The following ATP11B variants were observed in gnomAD, a reference collection of about 807,000 sequenced individuals.
The protein encoded by ATP11B is phospholipid-transporting ATPase IF.
A neutral mutation model predicts 157.8 loss-of-function variants in ATP11B; 81 were observed. The observed-to-expected ratio is 0.51, with a 90% CI of 0.43 to 0.62. The LOEUF (loss-of-function observed/expected upper bound fraction) is 0.62. Ranked by LOEUF, ATP11B falls within the 20% of genes least tolerant of loss-of-function variation. The probability of loss-of-function intolerance (pLI) is 0.00; values close to 1 mark genes in which losing one functional copy is unlikely to be tolerated. For missense variants in ATP11B, 1,165 were observed against 1,402.2 expected (o/e 0.83, Z 2.70); for synonymous variants, 451 against 469.4 (o/e 0.96, Z 0.51).
At chr3:182,865,935 T>G (rs905728292) in intron 13 of ATP11B, among the ~76,000 whole-genome samples, 2 of 82,604 alleles carry the variant, frequency 2.4e-5, no homozygotes, top group Non-Finnish European at 3.6e-5. Context: ...TGGAACGTAG[T>G]TAAGAAAAGC....
chr3:182,865,635 C>T lies in ATP11B; in HGVS notation c.1380C>T (p.Asn460=), dbSNP rs747431683. The T allele has an allele frequency of 7.4e-6, 12 of 1,613,516 alleles. No homozygotes were observed. Among genetic ancestry groups the T allele is most frequent in the Non-Finnish European group, 1.0e-5 (12 of 1,179,560 alleles). The change falls in exon 13 of 30, where the codon AAC becomes AAT. Residue 460 remains asparagine (N), a synonymous_variant. Transcript: ENST00000323116. Reference sequence around the variant, plus strand: ...ATCTTAGTAGTTTATCCCATCTTAACAACTTATCCCATCTTACAACCAGTT... The same window carrying T: ...ATCTTAGTAGTTTATCCCATCTTAATAACTTATCCCATCTTACAACCAGTT... ...LSYLSSLSHL[N]NLSHLTTSSS...
intron 9 of ATP11B, 105 bp from the exon 10 acceptor site, chr3:182,848,371 A>G (rs1165175932): frequency 1.7e-6 from 1 of 600,432 alleles, no homozygotes; most frequent in East Asian, 3.7e-5. Context: ...AATTATAACA[A>G]CTGTCAGACA....
chr3:182,864,076 C>T (rs1166269646), intron 12 of ATP11B, among the ~76,000 whole-genome samples: 3 of 151,916 alleles, frequency 2.0e-5, no homozygotes, highest in African/African-American at 7.2e-5. Flanking sequence ...TAATTTTTTG[C>T]CAAATTTAAC....
At chr3:182,820,114 C>T in intron 1 of ATP11B, 146 bp from the exon 2 acceptor site, 1 of 547,474 alleles carries the variant, frequency 1.8e-6, no homozygotes, top group East Asian at 3.0e-5. Context: ...TGGCATAGCT[C>T]TTCTAATTAG....
chr3:182,875,672 C>A (rs1721985076), intron 19 of ATP11B, among the ~76,000 whole-genome samples: 1 of 152,158 alleles, frequency 6.6e-6, no homozygotes, highest in Non-Finnish European at 1.5e-5. Flanking sequence ...AACACCTGAC[C>A]TCAGGTGATC....
intron 28 of ATP11B, chr3:182,902,342 TGTATGTGTATCAC>T (rs1271239769): frequency 6.4e-5 from 17 of 263,994 alleles, no homozygotes; most frequent in African/African-American, 3.5e-4. Context: ...ATGTTAGTCA[TGTATGTGTATCAC>T]GTATGATATT....
intron 10 of ATP11B, among the ~76,000 whole-genome samples, chr3:182,855,450 C>A (rs1720321300): frequency 6.6e-6 from 1 of 152,110 alleles, no homozygotes; most frequent in Non-Finnish European, 1.5e-5. Context: ...ACAGAATCTT[C>A]AGGACTTAGT....
intron 4 of ATP11B, 105 bp downstream of exon 4, chr3:182,829,857 G>T: frequency 7.1e-7 from 1 of 1,412,406 alleles, no homozygotes; most frequent in Non-Finnish European, 9.4e-7. Flanking sequence ...ATTTCCATAA[G>T]AAAGCAGCAA....
chr3:182,862,660 T>C (rs751147656), intron 12 of ATP11B, among the ~76,000 whole-genome samples: 2 of 152,186 alleles, frequency 1.3e-5, no homozygotes, highest in Non-Finnish European at 2.9e-5. Context: ...GTCTACTTCC[T>C]GAGCGTTTCT....
At chr3:182,822,363 C>A (rs1012282589) in intron 2 of ATP11B, among the ~76,000 whole-genome samples, 2 of 151,996 alleles carry the variant, frequency 1.3e-5, no homozygotes, top group Non-Finnish European at 2.9e-5. Context: ...TGAGAACATG[C>A]GGTGTTTGGT....
chr3:182,839,635 T>G (rs1348181235), intron 7 of ATP11B, among the ~76,000 whole-genome samples: 1 of 152,158 alleles, frequency 6.6e-6, no homozygotes, highest in Non-Finnish European at 1.5e-5. Flanking sequence ...TTTGAAACAG[T>G]GTCTCGCTCT....
At chr3:182,886,895 T>C (rs2108566953) in intron 23 of ATP11B, among the ~76,000 whole-genome samples, 1 of 152,304 alleles carries the variant, frequency 6.6e-6, no homozygotes, top group Middle Eastern at 3.4e-3. Context: ...GGGCATTGAT[T>C]ACCGATAAAA....
At chr3:182,880,192 G>T (rs1044036897) in intron 20 of ATP11B, among the ~76,000 whole-genome samples, 1 of 152,118 alleles carries the variant, frequency 6.6e-6, no homozygotes, top group Admixed American at 6.5e-5. Context: ...TCTAAATTTG[G>T]AATTTGAGAT....
chr3:182,820,434 A>G, intron 2 of ATP11B, 58 bp downstream of exon 2: 1 of 1,220,132 alleles, frequency 8.2e-7, no homozygotes, highest in Non-Finnish European at 1.2e-6. Context: ...CCATCATCCC[A>G]GCACTTTGGG....
At chr3:182,801,249 G>C (rs1715992767) in intron 1 of ATP11B, among the ~76,000 whole-genome samples, 1 of 152,194 alleles carries the variant, frequency 6.6e-6, no homozygotes, top group Non-Finnish European at 1.5e-5. Context: ...TAGTTAAGCT[G>C]TGTCTGTCTC....
At position 182,890,039 on chromosome 3, in the gene ATP11B, C is replaced by T. The variant is rs115401699; in HGVS notation, c.2982+491C>T. ...GCCTAGGAAATGCTACCACATTCTT[C>T]ATTGCACACTCACAATTCTAAATAG... On this transcript the variant is annotated intron_variant, in intron 25 of 29. Transcript: ENST00000323116. Among the ~76,000 whole-genome samples the T allele has an allele frequency of 2.5e-3, 381 of 152,328 alleles. 1 individual carries two copies. The highest frequency in any genetic ancestry group is 4.3e-3 in the Non-Finnish European group (295 of 68,034).
intron 29 of ATP11B, chr3:182,916,650 T>C (rs1026350753): frequency 1.0e-6 from 1 of 983,804 alleles, no homozygotes. Flanking sequence ...GAAAGTAATA[T>C]GTAGTTCAAG....
rs1725438192 is a variant in ATP11B, at chr3:182,920,871, T to TAATA, written c.*2768_*2771dup. 1 of 152,248 alleles carries TAATA rather than the reference T, an allele frequency of 6.6e-6. No individual in the cohort carries two copies. The highest frequency in any genetic ancestry group is 1.9e-4 in the East Asian group (1 of 5,204). The allele number at this position is 152,248 out of a possible 1,614,324, so 9.4% of individuals were successfully genotyped here. On this transcript the variant is annotated 3_prime_UTR_variant, in exon 30 of 30. Transcript: ENST00000323116. ...TCCTCTTTCTTGGGTCTAAAGCTCATAATACACAAAGGCTTCCAGACCTGA... is the reference window on the plus strand; with the variant it reads ...TCCTCTTTCTTGGGTCTAAAGCTCATAATAAATACACAAAGGCTTCCAGACCTGA...
intron 1 of ATP11B, among the ~76,000 whole-genome samples, chr3:182,805,458 T>C (rs1328835870): frequency 6.6e-6 from 1 of 151,942 alleles, no homozygotes; most frequent in Non-Finnish European, 1.5e-5. Flanking sequence ...TTTTTGCTTT[T>C]TTTTTTTTCT....
Sources: gnomAD v4.1 joint callset for allele counts (sites outside exome capture counted in the v4.1 genomes callset) on GRCh38, gnomAD v4.1.1 for gene constraint, MANE v1.5 for transcripts, NCBI Gene and HGNC (gene_info 2026-07-23, HGNC 2026-07-21) for gene names.